POU6F2: variants seen among roughly 807,000 people sequenced by gnomAD.
POU6F2 encodes the protein POU domain, class 6, transcription factor 2.
A neutral mutation model predicts 71.3 loss-of-function variants in POU6F2; 31 were observed. The ratio of observed to expected loss-of-function variants is 0.43; its 90% CI spans 0.33 to 0.59. POU6F2 has a LOEUF of 0.59. Ranked by LOEUF, POU6F2 falls within the 20% of genes least tolerant of loss-of-function variation. The probability of loss-of-function intolerance (pLI) is 0.04; values close to 1 mark genes in which losing one functional copy is unlikely to be tolerated. For synonymous variants in POU6F2, 347 were observed against 355.7 expected, an observed-to-expected ratio of 0.98 and a Z score of 0.27; for missense variants, 783 against 856.8, an observed-to-expected ratio of 0.91 and a Z score of 1.07.
intron 5 of POU6F2, among the ~76,000 whole-genome samples, chr7:39,372,485 G>A (rs1441666171): frequency 6.6e-6 from 1 of 152,212 alleles, no homozygotes; most frequent in Non-Finnish European, 1.5e-5. Context: ...GATAGAGTCT[G>A]AAGGTGAGCA....
intron 5 of POU6F2, among the ~76,000 whole-genome samples, chr7:39,390,098 T>G (rs571433789): frequency 6.6e-6 from 1 of 152,296 alleles, no homozygotes; most frequent in East Asian, 1.9e-4. Flanking sequence ...GCTCACTTAG[T>G]GATATTTCAA....
At chr7:39,054,753 G>A (rs1790473358) in intron 1 of POU6F2, among the ~76,000 whole-genome samples, 1 of 143,612 alleles carries the variant, frequency 7.0e-6, no homozygotes, top group South Asian at 2.3e-4. Flanking sequence ...ACAGCACAGG[G>A]AAAAGATCAG....
At chr7:39,170,051 C>A (rs971835109) in intron 2 of POU6F2, among the ~76,000 whole-genome samples, 1 of 152,020 alleles carries the variant, frequency 6.6e-6, no homozygotes, top group African/African-American at 2.4e-5. Flanking sequence ...ACCTGTAATC[C>A]CAGCTACTCA....
intron 1 of POU6F2, among the ~76,000 whole-genome samples, chr7:39,072,360 T>A (rs893253923): frequency 6.6e-6 from 1 of 152,116 alleles, no homozygotes; most frequent in Non-Finnish European, 1.5e-5. Context: ...CAGCATTGAG[T>A]TGTTGTCTTT....
chr7:39,026,574 G>A (rs530805174), intron 1 of POU6F2, among the ~76,000 whole-genome samples: 1 of 152,134 alleles, frequency 6.6e-6, no homozygotes, highest in South Asian at 2.1e-4. Flanking sequence ...CACAGGAAGG[G>A]GAACAACACA....
chr7:39,265,699 C>G (rs1220161865), intron 4 of POU6F2, among the ~76,000 whole-genome samples: 2 of 152,182 alleles, frequency 1.3e-5, no homozygotes, highest in African/African-American at 2.4e-5. Context: ...AGATTTCCAT[C>G]TCGCTTTGAC....
chr7:39,355,426 A>C (rs1371448741), intron 5 of POU6F2, among the ~76,000 whole-genome samples: 2 of 152,302 alleles, frequency 1.3e-5, no homozygotes, highest in African/African-American at 4.8e-5. Context: ...TTTTGTATGT[A>C]TATATGTGTT....
intron 2 of POU6F2, among the ~76,000 whole-genome samples, chr7:39,169,193 T>A (rs1793168730): frequency 6.6e-6 from 1 of 152,250 alleles, no homozygotes. Flanking sequence ...TTAGATCTGA[T>A]TAGATCCAGC....
At chr7:39,064,947 C>T (rs151319798) in intron 1 of POU6F2, among the ~76,000 whole-genome samples, 511 of 151,838 alleles carry the variant, frequency 3.4e-3, no homozygotes, top group Middle Eastern at 6.8e-3. Context: ...AAAGTCAATG[C>T]GAAGTTGATT....
intron 5 of POU6F2, among the ~76,000 whole-genome samples, chr7:39,394,524 A>T (rs73695747): frequency 0.11 from 15,980 of 152,124 alleles, 894 homozygotes; most frequent in African/African-American, 0.12. Flanking sequence ...CCACTCATAC[A>T]TGGGCTTCCT....
Position 39,250,195 on chromosome 7 carries a change from C to T in POU6F2, c.598+42575C>T, listed in dbSNP as rs144349119. Among the ~76,000 whole-genome samples the T allele has an allele frequency of 1.4e-4, 21 of 152,298 alleles. No homozygotes were observed. In the East Asian group the frequency reaches 3.5e-3, roughly 25 times the overall value. On this transcript the variant is annotated intron_variant, in intron 4 of 9. Transcript: ENST00000518318. ...ACCCACACACACCCACTCACTTGCA[C>T]GCATCTTATCATCTGCACCCACTTC... is the stretch of plus-strand genomic sequence containing the variant.
Position 39,406,617 on chromosome 7 carries a change from A to G in POU6F2, c.990A>G (p.Leu330=). The change falls in exon 6 of 10, where the codon CTA becomes CTG. Residue 330 remains leucine, a synonymous_variant. Coordinates refer to ENST00000518318, the MANE Select transcript of POU6F2 (RefSeq NM_001370959.1). ...PNPLQLVNNP[L]ASQAAAAAAA... ...CTTTGCAGCTGGTTAATAATCCACT[A>G]GCAAGTCAGGCTGCAGCGGCTGCAG... 1 of 1,613,476 alleles carries G rather than the reference A, an allele frequency of 6.2e-7. No individual in the cohort carries two copies. The highest frequency in any genetic ancestry group is 8.5e-7 in the Non-Finnish European group (1 of 1,179,840).
intron 4 of POU6F2, among the ~76,000 whole-genome samples, chr7:39,208,623 TTC>T (rs1473226338): frequency 3.3e-5 from 5 of 152,352 alleles, no homozygotes; most frequent in African/African-American, 1.2e-4. Flanking sequence ...GTTCTCTATG[TTC>T]TGTTACCCCA....
intron 2 of POU6F2, among the ~76,000 whole-genome samples, chr7:39,182,137 A>G (rs1793447283): frequency 6.6e-6 from 1 of 152,236 alleles, no homozygotes; most frequent in Non-Finnish European, 1.5e-5. Flanking sequence ...TAATATTGAC[A>G]TTGTAAATGT....
At chr7:39,062,281 A>AT (rs1468806811) in intron 1 of POU6F2, among the ~76,000 whole-genome samples, 6 of 152,076 alleles carry the variant, frequency 3.9e-5, no homozygotes, top group Non-Finnish European at 1.5e-5. Flanking sequence ...CATGAAAATA[A>AT]TTTTTATCCT....
chr7:39,377,217 G>A (rs182042036), intron 5 of POU6F2, among the ~76,000 whole-genome samples: 161 of 149,358 alleles, frequency 1.1e-3, no homozygotes, highest in African/African-American at 3.5e-3. Flanking sequence ...TGCAGCCTCC[G>A]CCTCCCGGGT....
At chr7:39,002,342 G>A (rs76776644) in intron 1 of POU6F2, among the ~76,000 whole-genome samples, 11 of 97,968 alleles carry the variant, frequency 1.1e-4, no homozygotes, top group African/African-American at 3.7e-4. Flanking sequence ...AAGTTTTGTT[G>A]TTGTTGTTGT....
At chr7:39,371,144 T>C (rs1394211268) in intron 5 of POU6F2, among the ~76,000 whole-genome samples, 1 of 151,978 alleles carries the variant, frequency 6.6e-6, no homozygotes, top group Non-Finnish European at 1.5e-5. Flanking sequence ...AGGCTGTCTA[T>C]GTGTTTTCAG....
chr7:39,238,031 C>T (rs1794705074), intron 4 of POU6F2, among the ~76,000 whole-genome samples: 1 of 152,092 alleles, frequency 6.6e-6, no homozygotes, highest in Admixed American at 6.5e-5. Context: ...ATCTTCCCTA[C>T]AGAAAAAAGC....
Sources: allele counts gnomAD v4.1 joint callset (sites outside exome capture counted in the v4.1 genomes callset), GRCh38; gene constraint gnomAD v4.1.1; transcripts MANE v1.5; gene names NCBI Gene and HGNC (gene_info 2026-07-23, HGNC 2026-07-21).